AARS1: variants seen among roughly 807,000 people sequenced by gnomAD.
The protein encoded by AARS1 is alanine--tRNA ligase, cytoplasmic.
Under a neutral mutation model 108.9 loss-of-function variants are expected in AARS1, and 72 were observed. That is an observed-to-expected ratio of 0.66 (90% confidence interval 0.55 to 0.80). The LOEUF is 0.80. Among genes scored for constraint, AARS1 ranks in the 30% least tolerant of loss-of-function variants. The probability of loss-of-function intolerance (pLI) is 0.00; values close to 1 mark genes in which losing one functional copy is unlikely to be tolerated. For synonymous variants in AARS1, 489 were observed against 465.7 expected (o/e 1.05, Z -0.64); for missense variants, 1,193 against 1,233.2 (o/e 0.97, Z 0.49).
rs1252446586 is a variant in AARS1 at position 70,289,475 on chromosome 16, C to G, written c.-76G>C. ...CCCTCAGAGTCCCCCGCCAAGGGCC[C>G]GCTGCACCTATTCCCGCAGACGCGC... On this transcript the variant is annotated 5_prime_UTR_variant, in exon 1 of 21. Coordinates refer to ENST00000261772, the MANE Select transcript of AARS1 (RefSeq NM_001605.3). 9.2e-6 allele frequency: 4 copies of G among 434,776 alleles called. No individual in the cohort carries two copies. Among genetic ancestry groups the G allele is most frequent in the Admixed American group, 4.8e-5 (2 of 41,432 alleles). The allele number at this position is 434,776 out of a possible 1,614,324, so 26.9% of individuals were successfully genotyped here.
At chr16:70,272,889 GACAC>G (rs71928705) in intron 4 of AARS1, among the ~76,000 whole-genome samples, 276 of 140,346 alleles carry the variant, frequency 2.0e-3, no homozygotes, top group Middle Eastern at 7.1e-3. Context: ...CAGCCTGGGT[GACAC>G]ACACACACAC....
chr16:70,265,283 A>T, intron 10 of AARS1, 181 bp from the exon 11 acceptor site: 3 of 951,774 alleles, frequency 3.2e-6, no homozygotes, highest in Non-Finnish European at 4.9e-6. Flanking sequence ...GCAGTGTGGG[A>T]TGCTGAGGGG....
At chr16:70,261,855 GAC>G (rs1567604336) in intron 12 of AARS1, among the ~76,000 whole-genome samples, 1 of 151,804 alleles carries the variant, frequency 6.6e-6, no homozygotes, top group Non-Finnish European at 1.5e-5. Flanking sequence ...TGTCAGTAGA[GAC>G]AGGGTTTCAC....
chr16:70,287,919 C>G (rs1960893467), intron 1 of AARS1, among the ~76,000 whole-genome samples: 1 of 151,926 alleles, frequency 6.6e-6, no homozygotes, highest in Non-Finnish European at 1.5e-5. Context: ...GCATGTGCCA[C>G]CACACCTAGC....
At chr16:70,274,841 T>C (rs1960498536) in intron 4 of AARS1, among the ~76,000 whole-genome samples, 1 of 152,068 alleles carries the variant, frequency 6.6e-6, no homozygotes, top group Admixed American at 6.6e-5. Context: ...AAACTATTAA[T>C]GATGATTGAG....
chr16:70,265,953 C>A (rs188780120), intron 9 of AARS1, among the ~76,000 whole-genome samples: 2 of 152,030 alleles, frequency 1.3e-5, no homozygotes, highest in Non-Finnish European at 2.9e-5. Context: ...CCGAGGCGGG[C>A]GGATCATGAG....
chr16:70,258,210 T>G lies in AARS1; in HGVS notation c.2000A>C (p.Tyr667Ser). 1.3e-6 allele frequency: 2 copies of G among 1,591,698 alleles called. No individual in the cohort carries two copies. Among genetic ancestry groups the G allele is most frequent in the Non-Finnish European group, 1.7e-6 (2 of 1,168,146 alleles). The change falls in exon 15 of 21, where the codon TAT becomes TCT. Residue 667 changes from tyrosine to serine, a missense_variant. By Grantham distance (144) the Tyr-to-Ser change is moderately radical. Coordinates refer to ENST00000261772, the MANE Select transcript of AARS1 (RefSeq NM_001605.3). ...NEMIEAAKAVYTQDCPLAAAK... is the reference protein window; with the variant it reads ...NEMIEAAKAVSTQDCPLAAAK... Reference sequence around the variant, plus strand: ...TGCTGCCAGGGGGCAATCCTGGGTATAGACGGCCTGCCAGACCAAGAAGAC... The same window carrying G: ...TGCTGCCAGGGGGCAATCCTGGGTAGAGACGGCCTGCCAGACCAAGAAGAC...
In AARS1 at chr16:70,289,483, C is replaced by T. The variant is rs950640300; in HGVS notation, c.-84G>A. 1 of 441,674 alleles carries T rather than the reference C, an allele frequency of 2.3e-6. No homozygotes were observed. The allele number at this position is 441,674 out of a possible 1,614,324, so 27.4% of individuals were successfully genotyped here. ...GTCCCCCGCCAAGGGCCCGCTGCACCTATTCCCGCAGACGCGCAGCTGTAC... is the reference window on the plus strand; with the variant it reads ...GTCCCCCGCCAAGGGCCCGCTGCACTTATTCCCGCAGACGCGCAGCTGTAC... On this transcript the variant is annotated 5_prime_UTR_variant, in exon 1 of 21. Coordinates refer to ENST00000261772, the MANE Select transcript of AARS1 (RefSeq NM_001605.3).
At chr16:70,265,202 A>C in intron 10 of AARS1, 100 bp from the exon 11 acceptor site, 1 of 1,470,174 alleles carries the variant, frequency 6.8e-7, no homozygotes, top group Non-Finnish European at 9.5e-7. Flanking sequence ...AAACTGCCAG[A>C]ACAGGGTTTT....
Position 70,270,404 on chromosome 16 carries a change from G to C in AARS1, c.672-64C>G. 3.1e-6 allele frequency: 5 copies of C among 1,596,576 alleles called. No homozygotes were observed. The South Asian group carries it at 3.3e-5, about 11-fold the overall frequency. On this transcript the variant is annotated intron_variant, in intron 5 of 20. Transcript: ENST00000261772. ...TCAAGCTGCCACCTCTCCAGTCCCT[G>C]CTGGTTAAAATTCATTTACAGAACA...
intron 1 of AARS1, among the ~76,000 whole-genome samples, 172 bp from the exon 2 acceptor site, chr16:70,282,956 C>T (rs1055775904): frequency 2.0e-5 from 3 of 152,180 alleles, no homozygotes; most frequent in Non-Finnish European, 4.4e-5. Context: ...CACCAGCAGA[C>T]AGCAGCCCCA....
At chr16:70,277,382 G>C (rs756853680) in intron 2 of AARS1, among the ~76,000 whole-genome samples, 1 of 152,138 alleles carries the variant, frequency 6.6e-6, no homozygotes, top group Admixed American at 6.6e-5. Flanking sequence ...CCACCACCAC[G>C]AGTGACACCA....
intron 9 of AARS1, among the ~76,000 whole-genome samples, chr16:70,267,063 C>T (rs1960280820): frequency 1.3e-5 from 2 of 152,108 alleles, no homozygotes; most frequent in Non-Finnish European, 1.5e-5. Context: ...GTCTTGAACT[C>T]ATGACCTCGT....
In AARS1 at chr16:70,252,825, C is replaced by G. The variant is rs1300513749; in HGVS notation, c.2803G>C (p.Asp935His). ...GLMDGKGGGK[D>H]VSAQATGKNV... ...TTGCCTGTGGCCTGTGCAGACACAT[C>G]CTTGCCACCACCTTTACCGTCCATC... Residue 935 changes from aspartate (D) to histidine (H), a missense_variant, in exon 21 of 21, where the codon GAT (aspartate) becomes CAT (histidine). Physicochemically the swap from Asp to His is moderately conservative, Grantham distance 81. Transcript: ENST00000261772. 2 of 1,614,124 alleles carry G rather than the reference C, an allele frequency of 1.2e-6. No homozygotes were observed. The highest frequency in any genetic ancestry group is 3.3e-5 in the Admixed American group (2 of 60,000).
intron 13 of AARS1, among the ~76,000 whole-genome samples, chr16:70,259,842 G>A (rs1026094345): frequency 7.9e-5 from 12 of 151,112 alleles, no homozygotes; most frequent in Middle Eastern, 3.2e-3. Context: ...GCATGATCTC[G>A]GCTCACTGCA....
intron 5 of AARS1, among the ~76,000 whole-genome samples, chr16:70,271,193 C>CA (rs1202503363): frequency 6.7e-6 from 1 of 148,756 alleles, no homozygotes; most frequent in Non-Finnish European, 1.5e-5. Flanking sequence ...AAAACAAAAA[C>CA]AAAAACAAAA....
chr16:70,252,754 G>A lies in AARS1; in HGVS notation c.2874C>T (p.Phe958=). The part of the protein sequence containing the change: ...LQEALQLATS[F]AQLRLGDVKN ...TTACATCCCCGAGGCGCAGCTGGGC[G>A]AAGGAAGTGGCCAGCTGCAGCGCCT... is the stretch of plus-strand genomic sequence containing the variant. Residue 958 remains phenylalanine (F), a synonymous_variant, in exon 21 of 21, where the codon TTC becomes TTT. Transcript: ENST00000261772. The A allele has an allele frequency of 6.2e-7, 1 of 1,614,164 alleles. No homozygotes were observed. Among genetic ancestry groups the A allele is most frequent in the Non-Finnish European group, 8.5e-7 (1 of 1,180,044 alleles).
chr16:70,277,030 T>C lies in AARS1; in HGVS notation c.269A>G (p.Lys90Arg). Residue 90 changes from lysine to arginine, a missense_variant, in exon 3 of 21, where the codon AAG becomes AGG. Physicochemically the swap from Lys to Arg is conservative, Grantham distance 26 (BLOSUM62 2). Transcript: ENST00000261772. ...GKHNDLDDVG[K>R]DVYHHTFFEM... ...GAAGAAGGTGTGATGATAGACATCC[T>C]TGCCCACATCGTCCAGGTCATTATG... 6.2e-7 allele frequency: 1 copy of C among 1,614,184 alleles called. No individual in the cohort carries two copies. The highest frequency in any genetic ancestry group is 2.2e-5 in the East Asian group (1 of 44,882).
At chr16:70,278,757 G>T (rs1163752379) in intron 2 of AARS1, among the ~76,000 whole-genome samples, 1 of 151,834 alleles carries the variant, frequency 6.6e-6, no homozygotes, top group Non-Finnish European at 1.5e-5. Flanking sequence ...ACTCATCTCT[G>T]TATCTTCGGC....
Sources: gnomAD v4.1 joint callset for allele counts (sites outside exome capture counted in the v4.1 genomes callset) on GRCh38, gnomAD v4.1.1 for gene constraint, MANE v1.5 for transcripts, NCBI Gene and HGNC (gene_info 2026-07-23, HGNC 2026-07-21) for gene names.